ACLY: variants seen among roughly 807,000 people sequenced by gnomAD.
ACLY encodes ATP-citrate synthase.
ACLY carries 41 observed loss-of-function variants against 133.0 expected under a neutral mutation model. The observed-to-expected ratio is 0.31, with a 90% CI of 0.24 to 0.40. The LOEUF (loss-of-function observed/expected upper bound fraction) is 0.40. Among genes scored for constraint, ACLY ranks in the 10% least tolerant of loss-of-function variants. The probability of loss-of-function intolerance (pLI) is 1.00; values close to 1 mark genes in which losing one functional copy is unlikely to be tolerated. For missense variants in ACLY, 1,046 were observed against 1,453.8 expected (o/e 0.72, Z 4.56); for synonymous variants, 495 against 549.3 (o/e 0.90, Z 1.38).
At chr17:41,867,967 TA>T in intron 28 of ACLY, 63 bp from the exon 29 acceptor site, 1 of 1,212,408 alleles carries the variant, frequency 8.2e-7, no homozygotes, top group Non-Finnish European at 1.2e-6. Flanking sequence ...AGGAAGAGGC[TA>T]AGGAAGGGAA....
At chr17:41,869,750 G>A (rs1380274687) in intron 25 of ACLY, among the ~76,000 whole-genome samples, 163 bp from the exon 26 acceptor site, 11 of 152,226 alleles carry the variant, frequency 7.2e-5, no homozygotes, top group Admixed American at 7.2e-4. Context: ...CTAATGCCAT[G>A]AGGCTGGCTT....
In ACLY at chr17:41,886,168, A is replaced by ATG. The variant is rs1555628103; in HGVS notation, c.2015_2016insCA (p.Ile674SerfsTer40). The ATG allele has an allele frequency of 6.2e-7, 1 of 1,614,026 alleles. No individual in the cohort carries two copies. The highest frequency in any genetic ancestry group is 1.3e-5 in the African/African-American group (1 of 74,894). ...CGCCATCCGTGGTCCGAGAGATGAT[A>ATG]TTGTTGAGCTCGTTGGACATGCCTC... On this transcript the variant is annotated frameshift_variant, in exon 18 of 29. Coordinates refer to ENST00000352035, the MANE Select transcript of ACLY (RefSeq NM_001096.3). LOFTEE classifies it high-confidence loss of function.
chr17:41,902,965 T>C (rs1009577025), intron 10 of ACLY, among the ~76,000 whole-genome samples: 13 of 152,150 alleles, frequency 8.5e-5, no homozygotes, highest in African/African-American at 2.9e-4. Context: ...TTTTTTTAAA[T>C]TTTAGTAGAG....
intron 2 of ACLY, 81 bp downstream of exon 2, chr17:41,913,634 G>A (rs1436772156): frequency 1.9e-5 from 28 of 1,464,520 alleles, no homozygotes; most frequent in African/African-American, 8.3e-5. Context: ...TGACCCTATC[G>A]GCATCACCAA....
At chr17:41,900,453 C>T (rs1179697009) in intron 11 of ACLY, among the ~76,000 whole-genome samples, 1 of 151,724 alleles carries the variant, frequency 6.6e-6, no homozygotes, top group Non-Finnish European at 1.5e-5. Flanking sequence ...GTTGTAGTGG[C>T]TCACGTCTAT....
intron 16 of ACLY, 56 bp from the exon 17 acceptor site, chr17:41,887,759 A>G (rs1437940129): frequency 2.0e-6 from 3 of 1,474,324 alleles, no homozygotes; most frequent in Non-Finnish European, 1.9e-6. Flanking sequence ...AAGGGCAACA[A>G]GACAGCACCG....
intron 8 of ACLY, 28 bp from the exon 9 acceptor site, chr17:41,905,686 G>A (rs782788050): frequency 1.2e-6 from 2 of 1,614,036 alleles, no homozygotes; most frequent in Admixed American, 3.3e-5. Context: ...GTCAGTGATG[G>A]CTCTCACACT....
upstream of ACLY, among the ~76,000 whole-genome samples, chr17:41,919,869 T>C (rs1276854130): frequency 6.6e-6 from 1 of 152,222 alleles, no homozygotes; most frequent in Non-Finnish European, 1.5e-5. Flanking sequence ...GGGCAGAATA[T>C]GTGAAATCAG....
intron 1 of ACLY, among the ~76,000 whole-genome samples, chr17:41,914,941 C>A (rs1383452747): frequency 6.6e-6 from 1 of 152,110 alleles, no homozygotes; most frequent in Non-Finnish European, 1.5e-5. Context: ...AGATTTATAA[C>A]CCCATTTCTT....
rs112988354 is a variant in ACLY at position 41,868,302 on chromosome 17, G to A, written c.3212-398C>T. On this transcript the variant is annotated intron_variant, in intron 28 of 28. Coordinates refer to ENST00000352035, the MANE Select transcript of ACLY (RefSeq NM_001096.3). ...AAATACAAAAAATTAGCCAGGCGTG[G>A]TGGCATGCGCCTGTAGTCCCAGCTG... is the stretch of plus-strand genomic sequence containing the variant. Among the ~76,000 whole-genome samples, 838 of 151,758 alleles carry A rather than the reference G, an allele frequency of 5.5e-3. 4 individuals are homozygous for A. Among genetic ancestry groups the A allele is most frequent in the Non-Finnish European group, 9.5e-3 (646 of 67,884 alleles).
intron 16 of ACLY, 143 bp downstream of exon 16, chr17:41,892,136 A>T: frequency 1.3e-6 from 1 of 786,244 alleles, no homozygotes; most frequent in Non-Finnish European, 2.0e-6. Flanking sequence ...CCAAATCCCC[A>T]GCCCTTTGTC....
chr17:41,919,113 C>T (rs933070674), upstream of ACLY: 3 of 1,159,704 alleles, frequency 2.6e-6, no homozygotes, highest in African/African-American at 1.7e-5. Context: ...CTCCGCCCCA[C>T]GAGGGCGGGC....
intron 6 of ACLY, among the ~76,000 whole-genome samples, chr17:41,908,678 T>C (rs2049799606): frequency 1.3e-5 from 2 of 152,132 alleles, no homozygotes; most frequent in South Asian, 4.1e-4. Context: ...GCAGAAAAAT[T>C]GCTTGAGACC....
chr17:41,905,312 T>C (rs901656674), intron 9 of ACLY, among the ~76,000 whole-genome samples: 1 of 152,196 alleles, frequency 6.6e-6, no homozygotes, highest in Non-Finnish European at 1.5e-5. Context: ...ACACATCACC[T>C]CTTGCCCTCT....
At position 41,892,702 on chromosome 17, in the gene ACLY, G is replaced by A. The variant is rs147932641; in HGVS notation, c.1602-255C>T. Among the ~76,000 whole-genome samples the A allele has an allele frequency of 7.5e-3, 1,134 of 151,750 alleles. 11 individuals carry two copies. The highest frequency in any genetic ancestry group is 0.016 in the Admixed American group (237 of 15,222). On this transcript the variant is annotated intron_variant, in intron 15 of 28. Transcript: ENST00000352035. Reference sequence around the variant, plus strand: ...GCCTTTTTTTTTTCTTTTGAGACAGGTTCTTGCTCTGTCACCCGGGCTGGA... The same window carrying A: ...GCCTTTTTTTTTTCTTTTGAGACAGATTCTTGCTCTGTCACCCGGGCTGGA...
At chr17:41,881,711 C>T (rs1290644158) in intron 20 of ACLY, among the ~76,000 whole-genome samples, 1 of 152,102 alleles carries the variant, frequency 6.6e-6, no homozygotes, top group Non-Finnish European at 1.5e-5. Flanking sequence ...ATTCTCCTGC[C>T]TCAGCCTCCC....
At chr17:41,879,737 A>C (rs2048866379) in intron 20 of ACLY, among the ~76,000 whole-genome samples, 1 of 130,658 alleles carries the variant, frequency 7.7e-6, no homozygotes, top group African/African-American at 2.8e-5. Context: ...TTTTTTTTCG[A>C]GACAGGGTCT....
At chr17:41,903,934 T>C (rs1555632088) in intron 10 of ACLY, among the ~76,000 whole-genome samples, 2 of 151,430 alleles carry the variant, frequency 1.3e-5, no homozygotes, top group East Asian at 2.0e-4. Flanking sequence ...CTAGCCAACA[T>C]GGTGAAACCC....
chr17:41,883,399 G>C (rs1229228042), intron 19 of ACLY, among the ~76,000 whole-genome samples, 167 bp from the exon 20 acceptor site: 1 of 152,120 alleles, frequency 6.6e-6, no homozygotes, highest in Non-Finnish European at 1.5e-5. Flanking sequence ...GTCTCCTAGA[G>C]GAATCTCTGG....
Sources: allele counts gnomAD v4.1 joint callset (sites outside exome capture counted in the v4.1 genomes callset), GRCh38; gene constraint gnomAD v4.1.1; transcripts MANE v1.5; gene names NCBI Gene and HGNC (gene_info 2026-07-23, HGNC 2026-07-21).